The following RNFT2 variants were observed in gnomAD, a reference collection of about 807,000 sequenced individuals.
RNFT2 encodes the protein E3 ubiquitin-protein ligase RNFT2.
A neutral mutation model predicts 53.0 loss-of-function variants in RNFT2; 36 were observed. That is an observed-to-expected ratio of 0.68 (90% CI 0.52 to 0.90). The LOEUF is 0.90. Ranked by LOEUF, RNFT2 falls within the 40% of genes least tolerant of loss-of-function variation. The pLI is 0.00. For missense variants in RNFT2, 514 were observed against 585.6 expected, an observed-to-expected ratio of 0.88 and a Z score of 1.26; for synonymous variants, 260 against 253.2, an observed-to-expected ratio of 1.03 and a Z score of -0.26.
intron 8 of RNFT2, 97 bp downstream of exon 8, chr12:116,834,038 GATTT>G (rs1156730081): frequency 8.9e-5 from 92 of 1,028,664 alleles, no homozygotes; most frequent in South Asian, 1.6e-4. Flanking sequence ...TACCCATGCT[GATTT>G]ATTTATTTAT....
chr12:116,818,277 C>A (rs1402970062), intron 7 of RNFT2, among the ~76,000 whole-genome samples: 3 of 150,340 alleles, frequency 2.0e-5, no homozygotes, highest in Admixed American at 6.6e-5. Context: ...GAGCTGAGAT[C>A]GCACCACTGC....
At chr12:116,837,477 G>T (rs1305771925) in intron 10 of RNFT2, among the ~76,000 whole-genome samples, 1 of 152,170 alleles carries the variant, frequency 6.6e-6, no homozygotes, top group Non-Finnish European at 1.5e-5. Flanking sequence ...AAGGCTTACG[G>T]GTAGGGGGAT....
intron 7 of RNFT2, among the ~76,000 whole-genome samples, chr12:116,832,331 G>C (rs996430612): frequency 3.3e-5 from 5 of 151,784 alleles, no homozygotes; most frequent in African/African-American, 1.2e-4. Context: ...ATTCTTCCAT[G>C]ACTGTCTTCT....
At position 116,849,369 on chromosome 12, in the gene RNFT2, C is replaced by G. The variant is rs1221394575; in HGVS notation, c.1256C>G (p.Pro419Arg). Residue 419 changes from proline to arginine, a missense_variant, in exon 11 of 11, where the codon CCG becomes CGG. Pro to Arg is a moderately radical substitution (Grantham distance 103, BLOSUM62 -2). Coordinates refer to ENST00000257575, the MANE Select transcript of RNFT2 (RefSeq NM_001382266.1). ...TGGCTGGACCGTGAGCGCACCTGCC[C>G]GCTCTGCCGCTCGGTCGCCGTGGAC... Reference protein sequence around the residue: ...CLWLDRERTCPLCRSVAVDTL... With the variant: ...CLWLDRERTCRLCRSVAVDTL... The G allele has an allele frequency of 6.4e-7, 1 of 1,551,012 alleles. No individual in the cohort carries two copies. The highest frequency in any genetic ancestry group is 8.7e-7 in the Non-Finnish European group (1 of 1,151,684).
At position 116,845,337 on chromosome 12, in the gene RNFT2, T is replaced by A. The variant is rs574994823; in HGVS notation, c.1201-3977T>A. Among the ~76,000 whole-genome samples, 8 of 150,918 alleles carry A rather than the reference T, an allele frequency of 5.3e-5. No homozygotes were observed. In the East Asian group the frequency reaches 1.6e-3, roughly 29 times the overall value. On this transcript the variant is annotated intron_variant, in intron 10 of 10. Coordinates refer to ENST00000257575, the MANE Select transcript of RNFT2 (RefSeq NM_001382266.1). ...ACAATCAGATGAATTTGCAAATAAT[T>A]CCTCATGCAATGCTTTGAGAGGGGT...
intron 8 of RNFT2, 119 bp from the exon 9 acceptor site, chr12:116,835,841 C>T: frequency 8.5e-6 from 8 of 941,392 alleles, no homozygotes; most frequent in Non-Finnish European, 1.4e-5. Context: ...AGAAGAGGAG[C>T]CCTAAAAATG....
At chr12:116,782,739 C>T (rs995602862) in intron 7 of RNFT2, among the ~76,000 whole-genome samples, 8 of 152,000 alleles carry the variant, frequency 5.3e-5, no homozygotes, top group African/African-American at 1.9e-4. Flanking sequence ...TTATTCCTAC[C>T]ACCCCCTTTC....
At chr12:116,827,018 G>A (rs1435142051) in intron 7 of RNFT2, among the ~76,000 whole-genome samples, 1 of 152,094 alleles carries the variant, frequency 6.6e-6, no homozygotes, top group South Asian at 2.1e-4. Flanking sequence ...TCAGGAGTTC[G>A]AGACCAGCCT....
At chr12:116,748,645 C>T (rs776720013) in intron 3 of RNFT2, 10 of 450,970 alleles carry the variant, frequency 2.2e-5, no homozygotes, top group East Asian at 1.4e-4. Context: ...TACTCTCTGC[C>T]GCCCACCCAA....
chr12:116,837,689 C>A lies in RNFT2; in HGVS notation c.1200+1407C>A, dbSNP rs1877051363. Among the ~76,000 whole-genome samples the A allele has an allele frequency of 1.3e-5, 2 of 151,896 alleles. 1 individual carries two copies. The highest frequency in any genetic ancestry group is 4.2e-4 in the South Asian group (2 of 4,804). ...CACAGTCTGGGACCTGGGTTGGATC[C>A]CAGAACAGAGAAGGGACATTAGTAG... On this transcript the variant is annotated intron_variant, in intron 10 of 10. Transcript: ENST00000257575.
At chr12:116,829,981 T>C (rs187064600) in intron 7 of RNFT2, among the ~76,000 whole-genome samples, 1 of 152,278 alleles carries the variant, frequency 6.6e-6, no homozygotes, top group Admixed American at 6.5e-5. Context: ...TTTTGCATTC[T>C]CTATTATTTC....
At chr12:116,744,328 C>A (rs1197745806) in intron 3 of RNFT2, among the ~76,000 whole-genome samples, 1 of 152,182 alleles carries the variant, frequency 6.6e-6, no homozygotes, top group Middle Eastern at 3.4e-3. Context: ...GAACCTTTTC[C>A]GCCTCTAAAG....
chr12:116,768,100 T>C (rs1465468786), intron 6 of RNFT2, among the ~76,000 whole-genome samples: 2 of 102,932 alleles, frequency 1.9e-5, no homozygotes, highest in Admixed American at 8.7e-5. Flanking sequence ...CAGTTTGGCC[T>C]TTTTTTTTTT....
chr12:116,808,339 C>A (rs938645054), intron 7 of RNFT2, among the ~76,000 whole-genome samples: 1 of 152,242 alleles, frequency 6.6e-6, no homozygotes, highest in African/African-American at 2.4e-5. Flanking sequence ...ATCCTCCTGC[C>A]TTGGCCTCCC....
At chr12:116,742,431 G>A (rs540310227) in intron 3 of RNFT2, among the ~76,000 whole-genome samples, 55 of 151,886 alleles carry the variant, frequency 3.6e-4, no homozygotes, top group African/African-American at 1.1e-3. Context: ...CACCATGCCC[G>A]GCTAATTTTT....
intron 7 of RNFT2, among the ~76,000 whole-genome samples, chr12:116,788,150 C>T (rs1371706814): frequency 6.6e-6 from 1 of 152,186 alleles, no homozygotes; most frequent in Non-Finnish European, 1.5e-5. Context: ...TGGCCTCAAA[C>T]TCCCAACCTC....
At chr12:116,831,034 A>G (rs754120854) in intron 7 of RNFT2, among the ~76,000 whole-genome samples, 1 of 151,722 alleles carries the variant, frequency 6.6e-6, no homozygotes, top group African/African-American at 2.4e-5. Context: ...TTTGTCTTTC[A>G]TGATCTTGAC....
intron 4 of RNFT2, among the ~76,000 whole-genome samples, chr12:116,753,456 T>G (rs1454164735): frequency 6.6e-6 from 1 of 151,844 alleles, no homozygotes; most frequent in Non-Finnish European, 1.5e-5. Context: ...CAGCGGTGAG[T>G]TTTTTCAATG....
Position 116,818,320 on chromosome 12 carries a change from CA to C in RNFT2, c.883-15456del, listed in dbSNP as rs11380244. ...CCTGGGTGACAGTGAGGCCCTATCT[CA>C]AAAAAAAAAAAAAAATCCGCTTTTT... On this transcript the variant is annotated intron_variant, in intron 7 of 10. Coordinates refer to ENST00000257575, the MANE Select transcript of RNFT2 (RefSeq NM_001382266.1). Among the ~76,000 whole-genome samples the C allele has an allele frequency of 2.8e-4, 40 of 141,004 alleles. 1 individual carries two copies. The highest frequency in any genetic ancestry group is 8.4e-4 in the East Asian group (4 of 4,752). The allele number at this position is 141,004 out of a possible 152,430, so 92.5% of individuals were successfully genotyped here.
Sources: gnomAD v4.1 joint callset for allele counts (sites outside exome capture counted in the v4.1 genomes callset) on GRCh38, gnomAD v4.1.1 for gene constraint, MANE v1.5 for transcripts, NCBI Gene and HGNC (gene_info 2026-07-23, HGNC 2026-07-21) for gene names.